Variants in YTHDC2 observed in about 807,000 individuals in gnomAD.
The protein encoded by YTHDC2 is 3'-5' RNA helicase YTHDC2.
A neutral mutation model predicts 174.9 loss-of-function variants in YTHDC2; 45 were observed. The observed-to-expected ratio is 0.26, with a 90% CI of 0.20 to 0.33. The LOEUF is 0.33. Ranked by LOEUF, YTHDC2 falls within the 10% of genes least tolerant of loss-of-function variation. The pLI is 1.00. For missense variants in YTHDC2, 1,650 were observed against 1,723.7 expected (o/e 0.96, Z 0.76); for synonymous variants, 657 against 574.5 (o/e 1.14, Z -2.05).
intron 24 of YTHDC2, among the ~76,000 whole-genome samples, chr5:113,580,832 TC>T (rs1439251671): frequency 6.6e-6 from 1 of 152,222 alleles, no homozygotes; most frequent in Non-Finnish European, 1.5e-5. Context: ...CATTAATCTT[TC>T]TTAATTCTTT....
intron 2 of YTHDC2, among the ~76,000 whole-genome samples, chr5:113,522,817 T>A (rs916849859): frequency 2.6e-5 from 4 of 152,166 alleles, no homozygotes; most frequent in African/African-American, 9.6e-5. Flanking sequence ...TGGTGCTGAC[T>A]GTGGTAGGAA....
intron 26 of YTHDC2, among the ~76,000 whole-genome samples, chr5:113,587,951 A>G (rs1446864802): frequency 6.6e-6 from 1 of 152,012 alleles, no homozygotes; most frequent in Non-Finnish European, 1.5e-5. Context: ...TGTTTTATAA[A>G]TTTCAGAGTA....
intron 28 of YTHDC2, chr5:113,593,000 A>G (rs1305358726): frequency 5.1e-6 from 1 of 194,454 alleles, no homozygotes; most frequent in Non-Finnish European, 1.1e-5. Flanking sequence ...CTGAATCTCT[A>G]TGAAAAACAA....
intron 24 of YTHDC2, chr5:113,579,924 C>T (rs1179882564): frequency 2.0e-6 from 2 of 984,810 alleles, no homozygotes; most frequent in Non-Finnish European, 1.2e-6. Context: ...AGGTAATTGT[C>T]TTAGTTTGTT....
chr5:113,562,039 G>T (rs1777025207), intron 18 of YTHDC2, among the ~76,000 whole-genome samples: 1 of 146,400 alleles, frequency 6.8e-6, no homozygotes, highest in African/African-American at 2.5e-5. Context: ...AGACCCTATA[G>T]CTTCTAGGGA....
intron 21 of YTHDC2, 145 bp from the exon 22 acceptor site, chr5:113,566,947 A>C: frequency 4.2e-6 from 4 of 943,354 alleles, no homozygotes; most frequent in Non-Finnish European, 6.2e-6. Context: ...TTCATATTTT[A>C]AACAACTTTC....
chr5:113,533,759 C>T (rs1300570318), intron 5 of YTHDC2, among the ~76,000 whole-genome samples: 1 of 151,924 alleles, frequency 6.6e-6, no homozygotes, highest in Non-Finnish European at 1.5e-5. Flanking sequence ...ATCTGAAATC[C>T]AAGATGCTAA....
chr5:113,526,350 T>G (rs113806939), intron 3 of YTHDC2, among the ~76,000 whole-genome samples: 49,037 of 137,342 alleles, frequency 0.36, 9,912 homozygotes, highest in African/African-American at 0.63. Context: ...ACTTTCTAAT[T>G]GATATTGAAA....
At chr5:113,580,630 C>T (rs1245849026) in intron 24 of YTHDC2, among the ~76,000 whole-genome samples, 1 of 152,176 alleles carries the variant, frequency 6.6e-6, no homozygotes, top group Non-Finnish European at 1.5e-5. Flanking sequence ...CCCACCAATT[C>T]ATCACTTCAC....
chr5:113,546,881 G>T (rs375149090), intron 10 of YTHDC2, among the ~76,000 whole-genome samples: 2 of 152,310 alleles, frequency 1.3e-5, no homozygotes, highest in South Asian at 2.1e-4. Context: ...TGGCAGAATA[G>T]CCATGAGTTC....
intron 10 of YTHDC2, among the ~76,000 whole-genome samples, chr5:113,544,953 T>C (rs1468019471): frequency 6.6e-6 from 1 of 152,204 alleles, no homozygotes. Flanking sequence ...TAGTTCTTTT[T>C]TTAAACTTAC....
chr5:113,524,776 C>T (rs993223188), intron 2 of YTHDC2, among the ~76,000 whole-genome samples: 2 of 152,064 alleles, frequency 1.3e-5, no homozygotes, highest in Non-Finnish European at 2.9e-5. Context: ...ATTTACAGCA[C>T]TTGAAATTTT....
chr5:113,553,378 A>C lies in YTHDC2; in HGVS notation c.1867+19A>C, dbSNP rs1776395114. ...GATGCTGGTAAATACGTGTTGTCTA[A>C]AAGAACTGGAGCAAAATATATACTT... On this transcript the variant is annotated intron_variant, in intron 13 of 29. Coordinates refer to ENST00000161863, the MANE Select transcript of YTHDC2 (RefSeq NM_022828.5). The C allele has an allele frequency of 6.3e-7, 1 of 1,578,298 alleles. No homozygotes were observed.
At chr5:113,522,051 A>C (rs891371997) in intron 2 of YTHDC2, among the ~76,000 whole-genome samples, 9 of 151,788 alleles carry the variant, frequency 5.9e-5, no homozygotes, top group Admixed American at 5.9e-4. Flanking sequence ...AGATCTTTGC[A>C]TCTGTCTGCC....
In YTHDC2 at chr5:113,558,174, T is replaced by A. The variant is rs559684636; in HGVS notation, c.2216+2040T>A. Among the ~76,000 whole-genome samples, 79 of 152,312 alleles carry A rather than the reference T, an allele frequency of 5.2e-4. No individual in the cohort carries two copies. In the Middle Eastern group the frequency reaches 0.014, roughly 26 times the overall value. ...AGAGTGAATAGGGAGGATGTTTGGATAGAATTTAGTTTAGAGAATAGTGAA... is the reference window on the plus strand; with the variant it reads ...AGAGTGAATAGGGAGGATGTTTGGAAAGAATTTAGTTTAGAGAATAGTGAA... On this transcript the variant is annotated intron_variant, in intron 17 of 29. Coordinates refer to ENST00000161863, the MANE Select transcript of YTHDC2 (RefSeq NM_022828.5).
At chr5:113,557,062 A>G (rs1309998192) in intron 17 of YTHDC2, among the ~76,000 whole-genome samples, 2 of 152,210 alleles carry the variant, frequency 1.3e-5, no homozygotes, top group Non-Finnish European at 2.9e-5. Flanking sequence ...GGTAAGAAAA[A>G]TATATGTGTG....
intron 4 of YTHDC2, among the ~76,000 whole-genome samples, chr5:113,529,289 A>G (rs956563381): frequency 1.3e-5 from 2 of 152,356 alleles, no homozygotes; most frequent in Admixed American, 6.5e-5. Context: ...TCTAGTTAAC[A>G]TGGCTAAGAA....
chr5:113,525,339 G>C (rs1221550276), intron 3 of YTHDC2, among the ~76,000 whole-genome samples, 162 bp downstream of exon 3: 1 of 151,844 alleles, frequency 6.6e-6, no homozygotes, highest in Non-Finnish European at 1.5e-5. Context: ...ACAAAGTGCA[G>C]TGTTAAAGCA....
rs762974331 is a variant in YTHDC2, at chr5:113,579,567, T to C, written c.3245-19T>C. ...TAAGAAGGTAAAAGTGATTTTTTTTTCATTATGTACTTGGACAGTGGATGG... is the reference window on the plus strand; with the variant it reads ...TAAGAAGGTAAAAGTGATTTTTTTTCCATTATGTACTTGGACAGTGGATGG... On this transcript the variant is annotated intron_variant, in intron 23 of 29. Transcript: ENST00000161863. The C allele has an allele frequency of 6.2e-5, 96 of 1,543,570 alleles. No individual in the cohort carries two copies. The Admixed American group carries it at 1.9e-3, about 30-fold the overall frequency.
Sources: gnomAD v4.1 joint callset for allele counts (sites outside exome capture counted in the v4.1 genomes callset) on GRCh38, gnomAD v4.1.1 for gene constraint, MANE v1.5 for transcripts, NCBI Gene and HGNC (gene_info 2026-07-23, HGNC 2026-07-21) for gene names.